The following MLLT3 variants were observed in gnomAD, a reference collection of about 807,000 sequenced individuals.
The protein encoded by MLLT3 is protein AF-9.
MLLT3 carries 4 observed loss-of-function variants against 53.2 expected under a neutral mutation model. The observed-to-expected ratio is 0.08, with a 90% CI of 0.04 to 0.17. The LOEUF (loss-of-function observed/expected upper bound fraction) is 0.17. Among genes scored for constraint, MLLT3 ranks in the 10% least tolerant of loss-of-function variants. The pLI is 1.00. For missense variants in MLLT3, 569 were observed against 684.0 expected, an observed-to-expected ratio of 0.83 and a Z score of 1.87; for synonymous variants, 283 against 230.6, an observed-to-expected ratio of 1.23 and a Z score of -2.06.
intron 2 of MLLT3, among the ~76,000 whole-genome samples, chr9:20,466,815 T>C (rs1187598972): frequency 2.0e-5 from 3 of 152,168 alleles, no homozygotes; most frequent in Non-Finnish European, 2.9e-5. Flanking sequence ...GTCAGTGTTA[T>C]AGGAGGTTGC....
rs1247051419 is a variant in MLLT3, at chr9:20,342,949, T to C, written c.*3494A>G. ...AGCAAATTACTCCAGAGCAGATCACTTCTACAGTGACAAAAATAAACACGA... is the reference window on the plus strand; with the variant it reads ...AGCAAATTACTCCAGAGCAGATCACCTCTACAGTGACAAAAATAAACACGA... On this transcript the variant is annotated 3_prime_UTR_variant, in exon 11 of 11. Coordinates refer to ENST00000380338, the MANE Select transcript of MLLT3 (RefSeq NM_004529.4). 1.1e-5 allele frequency: 2 copies of C among 189,642 alleles called. No individual in the cohort carries two copies. Among genetic ancestry groups the C allele is most frequent in the Admixed American group, 6.2e-5 (1 of 16,072 alleles). The allele number at this position is 189,642 out of a possible 1,614,324, so 11.7% of individuals were successfully genotyped here. A position where few individuals can be genotyped will look rare whatever the true frequency, so the allele number is the denominator to read the frequency against.
chr9:20,541,290 C>A (rs560846475), intron 2 of MLLT3, among the ~76,000 whole-genome samples: 2 of 152,162 alleles, frequency 1.3e-5, no homozygotes, highest in African/African-American at 4.8e-5. Context: ...TGCCTGGTAC[C>A]CCGTTCCAAA....
intron 2 of MLLT3, among the ~76,000 whole-genome samples, chr9:20,585,978 T>C (rs1819948527): frequency 6.6e-6 from 1 of 152,138 alleles, no homozygotes; most frequent in African/African-American, 2.4e-5. Context: ...AACCATTATC[T>C]TTTCCTCACG....
chr9:20,440,929 T>C (rs535746075), intron 4 of MLLT3, among the ~76,000 whole-genome samples: 9 of 152,278 alleles, frequency 5.9e-5, no homozygotes, highest in African/African-American at 1.7e-4. Flanking sequence ...AAATTACGGT[T>C]ACTATATTAA....
chr9:20,521,882 A>G (rs1340593256), intron 2 of MLLT3, among the ~76,000 whole-genome samples: 4 of 152,188 alleles, frequency 2.6e-5, no homozygotes, highest in African/African-American at 9.7e-5. Flanking sequence ...CTTAGTATTC[A>G]AGGTTAACAG....
chr9:20,449,728 ACC>A (rs1467150411), intron 3 of MLLT3, among the ~76,000 whole-genome samples: 1 of 151,976 alleles, frequency 6.6e-6, no homozygotes, highest in Non-Finnish European at 1.5e-5. Context: ...TTTCCTCAGT[ACC>A]CCTTCACTTC....
At chr9:20,382,544 A>G (rs1205995638) in intron 5 of MLLT3, 1 of 151,872 alleles carries the variant, frequency 6.6e-6, no homozygotes, top group East Asian at 1.9e-4. Context: ...AGTTTAAATG[A>G]CAGCAAACAC....
chr9:20,613,807 A>C (rs1437615417), intron 2 of MLLT3, among the ~76,000 whole-genome samples: 1 of 152,152 alleles, frequency 6.6e-6, no homozygotes, highest in Non-Finnish European at 1.5e-5. Context: ...AAACTGGGAC[A>C]ATCTTTTTGG....
intron 4 of MLLT3, among the ~76,000 whole-genome samples, chr9:20,439,434 G>GA (rs200753760): frequency 0.047 from 5,418 of 115,060 alleles, 336 homozygotes; most frequent in African/African-American, 0.14. Context: ...CAGTCATCAG[G>GA]AAAAAAAAAA....
At position 20,413,779 on chromosome 9, in the gene MLLT3, T is replaced by C; in HGVS notation, c.1067A>G (p.Asp356Gly). The change falls in exon 5 of 11, where the codon GAT (aspartate) becomes GGT (glycine). Residue 356 changes from aspartate (D) to glycine (G), a missense_variant. Physicochemically the swap from Asp to Gly is moderately conservative, Grantham distance 94 (BLOSUM62 -1). Around this residue, in one of 5 missense-constraint regions of MLLT3, gnomAD observed 437 missense variants for 376.5 expected, o/e 1.16. Coordinates refer to ENST00000380338, the MANE Select transcript of MLLT3 (RefSeq NM_004529.4). ...EKKKSTLPPF[D>G]DIVDPNDSDV... Reference sequence around the variant, plus strand: ...TGAATCATTGGGATCCACAATATCATCAAATGGCGGTAACGTTGATTTCTT... The same window carrying C: ...TGAATCATTGGGATCCACAATATCACCAAATGGCGGTAACGTTGATTTCTT... 6.2e-7 allele frequency: 1 copy of C among 1,613,758 alleles called. No homozygotes were observed. Among genetic ancestry groups the C allele is most frequent in the Non-Finnish European group, 8.5e-7 (1 of 1,179,874 alleles).
chr9:20,413,763 G>C lies in MLLT3; in HGVS notation c.1083C>G (p.Pro361=), dbSNP rs561936418. The change falls in exon 5 of 11, where the codon CCC becomes CCG. Residue 361 remains proline, a synonymous_variant. Transcript: ENST00000380338. ...TATTCTCCTCCACATCTGAATCATT[G>C]GGATCCACAATATCATCAAATGGCG... ...TLPPFDDIVD[P]NDSDVEENIS... is the part of the protein sequence containing the mutation. The C allele has an allele frequency of 7.4e-6, 12 of 1,612,434 alleles. No homozygotes were observed. In the African/African-American group the frequency reaches 1.5e-4, roughly 20 times the overall value.
intron 4 of MLLT3, among the ~76,000 whole-genome samples, chr9:20,444,724 T>C (rs1220633714): frequency 6.6e-6 from 1 of 151,750 alleles, no homozygotes; most frequent in Non-Finnish European, 1.5e-5. Context: ...ATACAAAAAT[T>C]AGTCAGGTGT....
chr9:20,557,471 GT>G (rs923813278), intron 2 of MLLT3, among the ~76,000 whole-genome samples: 1 of 152,146 alleles, frequency 6.6e-6, no homozygotes, highest in African/African-American at 2.4e-5. Context: ...CTGCTTGACA[GT>G]TTTTGCCACA....
chr9:20,443,160 G>T (rs554840246), intron 4 of MLLT3, among the ~76,000 whole-genome samples: 3 of 151,932 alleles, frequency 2.0e-5, no homozygotes, highest in Admixed American at 2.0e-4. Context: ...AAAGGCAGCA[G>T]GAACAAACAA....
At chr9:20,508,780 G>A (rs755696176) in intron 2 of MLLT3, among the ~76,000 whole-genome samples, 1 of 152,134 alleles carries the variant, frequency 6.6e-6, no homozygotes, top group Non-Finnish European at 1.5e-5. Context: ...AAACCCCATA[G>A]GTCCAGCAAA....
intron 2 of MLLT3, among the ~76,000 whole-genome samples, chr9:20,558,580 C>G (rs1331659318): frequency 6.6e-6 from 1 of 152,146 alleles, no homozygotes; most frequent in Non-Finnish European, 1.5e-5. Context: ...TTCAACAGCA[C>G]CCAAAAGCAT....
At chr9:20,515,243 G>T (rs1253149718) in intron 2 of MLLT3, among the ~76,000 whole-genome samples, 1 of 152,112 alleles carries the variant, frequency 6.6e-6, no homozygotes, top group Non-Finnish European at 1.5e-5. Context: ...ACTGCGCCAG[G>T]CCTCAAGGAA....
intron 2 of MLLT3, among the ~76,000 whole-genome samples, chr9:20,605,181 G>C (rs1820529995): frequency 6.6e-6 from 1 of 151,944 alleles, no homozygotes; most frequent in African/African-American, 2.4e-5. Context: ...TTTTATAAAA[G>C]AAACAAACTC....
chr9:20,427,348 CTAGT>C (rs1405352538), intron 4 of MLLT3, among the ~76,000 whole-genome samples: 1 of 147,936 alleles, frequency 6.8e-6, no homozygotes, highest in African/African-American at 2.5e-5. Context: ...TCTCAATGGA[CTAGT>C]TAAACAGCGG....
Sources: gnomAD v4.1 joint callset for allele counts (sites outside exome capture counted in the v4.1 genomes callset) on GRCh38, gnomAD v4.1.1 for gene constraint, gnomAD v4.1.1 regional missense constraint, MANE v1.5 for transcripts, NCBI Gene and HGNC (gene_info 2026-07-23, HGNC 2026-07-21) for gene names.